C6orf118: variants seen among roughly 807,000 people sequenced by gnomAD.
C6orf118 encodes the protein uncharacterized protein C6orf118.
C6orf118 carries 50 observed loss-of-function variants against 50.2 expected under a neutral mutation model. The ratio of observed to expected loss-of-function variants is 1.00; its 90% CI spans 0.79 to 1.26. The LOEUF (loss-of-function observed/expected upper bound fraction) is 1.26. Among genes scored for constraint, C6orf118 ranks in the 50% most tolerant of loss-of-function variants. The pLI is 0.00. For synonymous variants in C6orf118, 239 were observed against 230.9 expected (o/e 1.03, Z -0.32); for missense variants, 641 against 578.7 (o/e 1.11, Z -1.10).
chr6:165,292,195 C>T (rs1004363743), intron 6 of C6orf118, among the ~76,000 whole-genome samples: 3 of 152,210 alleles, frequency 2.0e-5, no homozygotes, highest in African/African-American at 7.2e-5. Context: ...GAATGACCTC[C>T]ACCTCACCCT....
chr6:165,306,594 A>G (rs1053866117), intron 1 of C6orf118, among the ~76,000 whole-genome samples: 10 of 151,136 alleles, frequency 6.6e-5, no homozygotes, highest in African/African-American at 1.9e-4. Context: ...CTCCAAGGCA[A>G]CAATCATTGT....
chr6:165,303,210 A>G (rs952194718), intron 1 of C6orf118, among the ~76,000 whole-genome samples: 3 of 152,206 alleles, frequency 2.0e-5, no homozygotes, highest in African/African-American at 7.2e-5. Flanking sequence ...TACTGGAGCC[A>G]ATATTTTCAG....
intron 1 of C6orf118, among the ~76,000 whole-genome samples, chr6:165,308,502 T>A (rs1228698416): frequency 6.6e-6 from 1 of 151,946 alleles, no homozygotes; most frequent in East Asian, 1.9e-4. Context: ...TGCCAACAAG[T>A]CCACTGGGCC....
intron 1 of C6orf118, among the ~76,000 whole-genome samples, chr6:165,308,854 G>A (rs534563386): frequency 6.6e-6 from 1 of 152,288 alleles, no homozygotes; most frequent in South Asian, 2.1e-4. Context: ...AATGCATTCT[G>A]ATATCACACA....
intron 5 of C6orf118, among the ~76,000 whole-genome samples, chr6:165,295,847 C>T (rs916164406): frequency 2.0e-5 from 3 of 152,004 alleles, no homozygotes; most frequent in Non-Finnish European, 4.4e-5. Context: ...CCCTTAACCC[C>T]CTTCTCACAT....
At chr6:165,301,454 G>A in intron 2 of C6orf118, 115 bp downstream of exon 2, 1 of 1,371,304 alleles carries the variant, frequency 7.3e-7, no homozygotes. Flanking sequence ...CAAGAGCTAT[G>A]CCCCGGAGCT....
At position 165,303,605 on chromosome 6, in the gene C6orf118, T is replaced by A. The variant is rs1311177146; in HGVS notation, c.26-1309A>T. ...TAATAAAGAAAAAAAGAGAGAAGAATCAAATAGACACAATAAAAAAGGATA... is the reference window on the plus strand; with the variant it reads ...TAATAAAGAAAAAAAGAGAGAAGAAACAAATAGACACAATAAAAAAGGATA... On this transcript the variant is annotated intron_variant, in intron 1 of 8. Transcript: ENST00000230301. 2.0e-3 allele frequency among the ~76,000 whole-genome samples: 227 copies of A among 115,616 alleles called. 2 individuals are homozygous for A. Among genetic ancestry groups the A allele is most frequent in the African/African-American group, 8.2e-3 (214 of 26,034 alleles). 75.8% of individuals were successfully genotyped at this position (115,616 alleles called of 152,430 possible).
intron 4 of C6orf118, 141 bp downstream of exon 4, chr6:165,299,302 C>T: frequency 1.6e-6 from 1 of 634,260 alleles, no homozygotes; most frequent in African/African-American, 1.8e-5. Flanking sequence ...TAAAACTCAT[C>T]TATAACAAAG....
At chr6:165,308,374 G>C (rs1258664233) in intron 1 of C6orf118, among the ~76,000 whole-genome samples, 1 of 152,148 alleles carries the variant, frequency 6.6e-6, no homozygotes, top group African/African-American at 2.4e-5. Flanking sequence ...GCAAGGAAAG[G>C]AAGCTTCCAG....
chr6:165,283,603 T>A (rs1408384482), intron 7 of C6orf118, among the ~76,000 whole-genome samples: 1 of 152,064 alleles, frequency 6.6e-6, no homozygotes, highest in Admixed American at 6.5e-5. Flanking sequence ...GGGACAAAGC[T>A]CCCAGAGGAA....
In C6orf118 at chr6:165,302,402, T is replaced by A. The variant is rs561112; in HGVS notation, c.26-106A>T. On this transcript the variant is annotated intron_variant, in intron 1 of 8. Transcript: ENST00000230301. The stretch of plus-strand genomic sequence containing the variant: ...TAGCCCCTGACCAAAAGAGGGTCTA[T>A]GGAGAAACAGACGAACAGAGTACAT... 2.4e-5 allele frequency: 33 copies of A among 1,380,672 alleles called. No homozygotes were observed. The African/African-American group carries it at 4.7e-4, about 19-fold the overall frequency. The allele number at this position is 1,380,672 out of a possible 1,614,324, so 85.5% of individuals were successfully genotyped here. A position where few individuals can be genotyped will look rare whatever the true frequency, so the allele number is the denominator to read the frequency against.
chr6:165,289,364 A>T (rs369271507), intron 7 of C6orf118, among the ~76,000 whole-genome samples: 7 of 152,182 alleles, frequency 4.6e-5, no homozygotes, highest in Admixed American at 4.6e-4. Context: ...AAAAAAAATC[A>T]TGTATTTCTT....
intron 7 of C6orf118, among the ~76,000 whole-genome samples, chr6:165,284,476 G>A (rs532874556): frequency 6.6e-6 from 1 of 152,190 alleles, no homozygotes; most frequent in East Asian, 1.9e-4. Context: ...CCAGAGAACT[G>A]CAGTCAAATA....
At chr6:165,283,429 T>C (rs971170651) in intron 7 of C6orf118, among the ~76,000 whole-genome samples, 7 of 152,172 alleles carry the variant, frequency 4.6e-5, no homozygotes, top group African/African-American at 1.7e-4. Context: ...AAGAGTCTAG[T>C]CAGTCTGCAC....
chr6:165,281,443 T>A, intron 8 of C6orf118, 197 bp downstream of exon 8: 1 of 1,240,614 alleles, frequency 8.1e-7, no homozygotes, highest in Non-Finnish European at 1.0e-6. Context: ...AACAGCATGA[T>A]ACTGCTCTAG....
chr6:165,302,770 C>A (rs886452797), intron 1 of C6orf118, among the ~76,000 whole-genome samples: 1 of 152,160 alleles, frequency 6.6e-6, no homozygotes, highest in Non-Finnish European at 1.5e-5. Flanking sequence ...CCCTCAATGA[C>A]CAATGGCACA....
intron 5 of C6orf118, among the ~76,000 whole-genome samples, chr6:165,297,087 G>A (rs1005161198): frequency 2.6e-5 from 4 of 152,136 alleles, no homozygotes; most frequent in South Asian, 2.1e-4. Context: ...CATCAGGGGA[G>A]GGCTAGAGTT....
chr6:165,281,297 T>A (rs1779722256), intron 8 of C6orf118, among the ~76,000 whole-genome samples: 1 of 152,192 alleles, frequency 6.6e-6, no homozygotes, highest in Non-Finnish European at 1.5e-5. Context: ...GTGTACAGAT[T>A]GAGGTCTAAA....
At chr6:165,281,858 T>C (rs2128156161) in intron 7 of C6orf118, 165 bp from the exon 8 acceptor site, 1 of 388,128 alleles carries the variant, frequency 2.6e-6, no homozygotes, top group East Asian at 4.4e-5. Flanking sequence ...TGAAGGACAA[T>C]TAATGAGAAG....
Sources: gnomAD v4.1 joint callset for allele counts (sites outside exome capture counted in the v4.1 genomes callset) on GRCh38, gnomAD v4.1.1 for gene constraint, MANE v1.5 for transcripts, NCBI Gene and HGNC (gene_info 2026-07-23, HGNC 2026-07-21) for gene names.